VIM: variants seen among roughly 807,000 people sequenced by gnomAD.
VIM encodes the protein vimentin, also known as epididymis secretory sperm binding protein.
A neutral mutation model predicts 50.3 loss-of-function variants in VIM; 18 were observed. That is an observed-to-expected ratio of 0.36 (90% CI 0.25 to 0.53). The LOEUF is 0.53. Ranked by LOEUF, VIM falls within the 20% of genes least tolerant of loss-of-function variation. The probability of loss-of-function intolerance (pLI) is 0.91; values close to 1 mark genes in which losing one functional copy is unlikely to be tolerated. For synonymous variants in VIM, 245 were observed against 248.5 expected, an observed-to-expected ratio of 0.99 and a Z score of 0.13; for missense variants, 551 against 614.7, an observed-to-expected ratio of 0.90 and a Z score of 1.10.
chr10:17,234,096 C>T (rs1282831525), intron 5 of VIM, 165 bp downstream of exon 5: 5 of 734,326 alleles, frequency 6.8e-6, no homozygotes, highest in Non-Finnish European at 1.1e-5. Flanking sequence ...ACTCACATCA[C>T]CTCCTTTATT....
At chr10:17,236,960 A>G (rs1564375379) in intron 9 of VIM, among the ~76,000 whole-genome samples, 1 of 152,206 alleles carries the variant, frequency 6.6e-6, no homozygotes, top group Non-Finnish European at 1.5e-5. Flanking sequence ...ATTGTGTACA[A>G]CTATTATACC....
chr10:17,234,084 C>T (rs1846845204), intron 5 of VIM, 153 bp downstream of exon 5: 2 of 809,634 alleles, frequency 2.5e-6, no homozygotes, highest in South Asian at 3.1e-5. Flanking sequence ...AGCCTCCCCA[C>T]CACTCACATC....
intron 5 of VIM, 135 bp from the exon 6 acceptor site, chr10:17,234,558 C>T: frequency 1.5e-6 from 2 of 1,308,916 alleles, no homozygotes; most frequent in Admixed American, 1.8e-5. Flanking sequence ...TACTCCACTG[C>T]TCTTTCCCTG....
rs777998864 is a variant in VIM, at chr10:17,233,689, G to A, written c.720+7G>A. The A allele has an allele frequency of 2.5e-6, 4 of 1,614,208 alleles. No homozygotes were observed. The highest frequency in any genetic ancestry group is 3.4e-6 in the Non-Finnish European group (4 of 1,180,030). ...GAAGAAACTCCACGAAGAGGTTAGT[G>A]GAGTGACTTTCGGGGAATGAATGAG... On this transcript the variant is annotated splice_region_variant and intron_variant, in intron 4 of 9. Coordinates refer to ENST00000544301, the MANE Select transcript of VIM (RefSeq NM_003380.5).
At position 17,233,676 on chromosome 10, in the gene VIM, C is replaced by G; in HGVS notation, c.714C>G (p.His238Gln). The G allele has an allele frequency of 6.2e-7, 1 of 1,614,122 alleles. No individual in the cohort carries two copies. The highest frequency in any genetic ancestry group is 8.5e-7 in the Non-Finnish European group (1 of 1,180,022). The change falls in exon 4 of 10, where the codon CAC (histidine) becomes CAG (glutamine). Residue 238 changes from histidine (H) to glutamine (Q), a missense_variant. By Grantham distance (24) the His-to-Gln change is conservative. Transcript: ENST00000544301. ...AGATTGCCTTTTTGAAGAAACTCCA[C>G]GAAGAGGTTAGTGGAGTGACTTTCG... ...QEEIAFLKKL[H>Q]EEEIQELQAQ... is the part of the protein sequence containing the mutation.
chr10:17,230,623 C>T (rs77259094), intron 2 of VIM, 27 bp from the exon 3 acceptor site: 24 of 1,613,690 alleles, frequency 1.5e-5, no homozygotes, highest in East Asian at 1.1e-4. Context: ...TCCTCGTTCC[C>T]CTTTGGTTAA....
At chr10:17,230,608 C>A in intron 2 of VIM, 42 bp from the exon 3 acceptor site, 1 of 1,611,134 alleles carries the variant, frequency 6.2e-7, no homozygotes, top group Non-Finnish European at 8.5e-7. Context: ...CCGCCCCTGG[C>A]GGTTTCCTCG....
chr10:17,232,433 G>C (rs944660540), intron 3 of VIM, among the ~76,000 whole-genome samples: 1 of 152,208 alleles, frequency 6.6e-6, no homozygotes, highest in Non-Finnish European at 1.5e-5. Flanking sequence ...TGGAAATATA[G>C]AAGGACGGCT....
chr10:17,232,836 A>G (rs1846819983), intron 3 of VIM, among the ~76,000 whole-genome samples: 2 of 152,264 alleles, frequency 1.3e-5, no homozygotes, highest in Non-Finnish European at 2.9e-5. Flanking sequence ...GTGTACATGA[A>G]GTTGTGAAAA....
intron 7 of VIM, 26 bp from the exon 8 acceptor site, chr10:17,235,820 T>G: frequency 4.3e-6 from 7 of 1,612,218 alleles, no homozygotes; most frequent in Non-Finnish European, 5.9e-6. Context: ...CCAACAATTT[T>G]ACTGTTTCTC....
chr10:17,233,254 A>T, intron 3 of VIM: 1 of 343,322 alleles, frequency 2.9e-6, no homozygotes, highest in South Asian at 2.4e-5. Flanking sequence ...AGCCTTAAAA[A>T]GTAATTTTAA....
In VIM at chr10:17,229,444, T is replaced by A. The variant is rs1288770216; in HGVS notation, c.22T>A (p.Ser8Thr). The A allele has an allele frequency of 6.2e-7, 1 of 1,606,356 alleles. No homozygotes were observed. The highest frequency in any genetic ancestry group is 8.5e-7 in the Non-Finnish European group (1 of 1,179,090). MSTRSVS[S>T]SSYRRMFGGP... Reference sequence around the variant, plus strand: ...AGCCATGTCCACCAGGTCCGTGTCCTCGTCCTCCTACCGCAGGATGTTCGG... The same window carrying A: ...AGCCATGTCCACCAGGTCCGTGTCCACGTCCTCCTACCGCAGGATGTTCGG... Residue 8 changes from serine to threonine, a missense_variant, in exon 2 of 10, where the codon TCG (serine) becomes ACG (threonine). Around this residue, in one of 3 missense-constraint regions of VIM, gnomAD observed 134 missense variants for 126.4 expected, o/e 1.06. Coordinates refer to ENST00000544301, the MANE Select transcript of VIM (RefSeq NM_003380.5).
chr10:17,234,917 G>T, intron 6 of VIM, 99 bp downstream of exon 6: 2 of 1,535,074 alleles, frequency 1.3e-6, no homozygotes, highest in Non-Finnish European at 1.8e-6. Flanking sequence ...GAGTAAAAAT[G>T]TATATCATAA....
chr10:17,237,308 C>A lies in VIM; in HGVS notation c.*37C>A. ...ACTCAGTGCAGCAATATATTACCAG[C>A]AAGAATAAAAAAGAAATCCATATCT... On this transcript the variant is annotated 3_prime_UTR_variant, in exon 10 of 10. Coordinates refer to ENST00000544301, the MANE Select transcript of VIM (RefSeq NM_003380.5). 1 of 1,585,110 alleles carries A rather than the reference C, an allele frequency of 6.3e-7. No individual in the cohort carries two copies. The highest frequency in any genetic ancestry group is 8.6e-7 in the Non-Finnish European group (1 of 1,162,664).
Position 17,229,890 on chromosome 10 carries a change from G to A in VIM, c.468G>A (p.Glu156=). The A allele has an allele frequency of 6.2e-7, 1 of 1,611,876 alleles. No individual in the cohort carries two copies. Among genetic ancestry groups the A allele is most frequent in the Middle Eastern group, 1.6e-4 (1 of 6,062 alleles). The part of the protein sequence containing the change: ...LGDLYEEEMR[E]LRRQVDQLTN... Reference sequence around the variant, plus strand: ...ACCTCTACGAGGAGGAGATGCGGGAGCTGCGCCGGCAGGTGGACCAGCTAA... The same window carrying A: ...ACCTCTACGAGGAGGAGATGCGGGAACTGCGCCGGCAGGTGGACCAGCTAA... The change falls in exon 2 of 10, where the codon GAG becomes GAA. Residue 156 remains glutamate, a synonymous_variant. Coordinates refer to ENST00000544301, the MANE Select transcript of VIM (RefSeq NM_003380.5).
chr10:17,235,474 T>A, intron 7 of VIM, 85 bp downstream of exon 7: 1 of 1,448,308 alleles, frequency 6.9e-7, no homozygotes, highest in Non-Finnish European at 9.6e-7. Flanking sequence ...GTGTCACATT[T>A]AATCTTTAGA....
At position 17,229,361 on chromosome 10, in the gene VIM, T is replaced by C; in HGVS notation, c.-62T>C. On this transcript the variant is annotated 5_prime_UTR_variant, in exon 2 of 10. Transcript: ENST00000544301. ...CACACCCACCGCGCCCTCGTTCGCC[T>C]CTTCTCCGGGAGCCAGTCCGCGCCA... The C allele has an allele frequency of 6.5e-7, 1 of 1,529,274 alleles. No individual in the cohort carries two copies. The highest frequency in any genetic ancestry group is 8.8e-7 in the Non-Finnish European group (1 of 1,138,632). 94.7% of individuals were successfully genotyped at this position (1,529,274 alleles called of 1,614,324 possible).
intron 8 of VIM, 124 bp downstream of exon 8, chr10:17,236,013 A>G (rs1440885962): frequency 1.1e-5 from 12 of 1,126,616 alleles, no homozygotes; most frequent in African/African-American, 3.1e-5. Flanking sequence ...TCTATAAAAC[A>G]TCTATAATTT....
At position 17,233,603 on chromosome 10, in the gene VIM, C is replaced by T; in HGVS notation, c.641C>T (p.Ser214Phe). The change falls in exon 4 of 10, where the codon TCT becomes TTT. Residue 214 changes from serine (S) to phenylalanine (F), a missense_variant. Physicochemically the swap from Ser to Phe is radical, Grantham distance 155 (BLOSUM62 -2). This residue lies in a region of VIM where 394 missense variants were observed against 437.5 expected (regional missense o/e 0.90). Coordinates refer to ENST00000544301, the MANE Select transcript of VIM (RefSeq NM_003380.5). ...TCAAAATAGGATGTTGACAATGCGT[C>T]TCTGGCACGTCTTGACCTTGAACGC... Reference protein sequence around the residue: ...QSFRQDVDNASLARLDLERKV... With the variant: ...QSFRQDVDNAFLARLDLERKV... 6.2e-7 allele frequency: 1 copy of T among 1,614,198 alleles called. No individual in the cohort carries two copies. Among genetic ancestry groups the T allele is most frequent in the Non-Finnish European group, 8.5e-7 (1 of 1,180,040 alleles).
Sources: gnomAD v4.1 joint callset for allele counts (sites outside exome capture counted in the v4.1 genomes callset) on GRCh38, gnomAD v4.1.1 for gene constraint, gnomAD v4.1.1 regional missense constraint, MANE v1.5 for transcripts, NCBI Gene and HGNC (gene_info 2026-07-23, HGNC 2026-07-21) for gene names.